PIEZO2: variants seen among roughly 807,000 people sequenced by gnomAD.
PIEZO2 encodes piezo type mechanosensitive ion channel component 2.
Under a neutral mutation model 337.3 loss-of-function variants are expected in PIEZO2, and 172 were observed. The ratio of observed to expected loss-of-function variants is 0.51; its 90% confidence interval spans 0.45 to 0.58. The LOEUF (loss-of-function observed/expected upper bound fraction) is 0.58. Ranked by LOEUF, PIEZO2 falls within the 20% of genes least tolerant of loss-of-function variation. PIEZO2 has a pLI of 0.00. For synonymous variants in PIEZO2, 1,251 were observed against 1,228.5 expected (o/e 1.02, Z -0.38); for missense variants, 3,028 against 3,391.3 (o/e 0.89, Z 2.66).
At chr18:10,805,992 C>G (rs1598507443) in intron 8 of PIEZO2, among the ~76,000 whole-genome samples, 1 of 152,240 alleles carries the variant, frequency 6.6e-6, no homozygotes, top group Admixed American at 6.5e-5. Context: ...GAATGTACAG[C>G]TCTCTAAGTG....
Position 11,125,319 on chromosome 18 carries a change from C to T in PIEZO2, c.64+23206G>A, listed in dbSNP as rs528529145. On this transcript the variant is annotated intron_variant, in intron 1 of 55. Transcript: ENST00000674853. This position sits in a 1 kb window ranked among gnomAD's most constrained non-coding sequence, Gnocchi z 4.4. ...AAACTACGATGTGTCCGACAAAAGA[C>T]AGTGCTGTTAAGTCATCAGCATTGT... Among the ~76,000 whole-genome samples, 1 of 152,342 alleles carries T rather than the reference C, an allele frequency of 6.6e-6. No individual in the cohort carries two copies. The highest frequency in any genetic ancestry group is 6.5e-5 in the Admixed American group (1 of 15,306).
chr18:10,879,238 A>C (rs893104126), intron 4 of PIEZO2, among the ~76,000 whole-genome samples: 1 of 151,994 alleles, frequency 6.6e-6, no homozygotes, highest in Admixed American at 6.6e-5. Flanking sequence ...CATTTTAATA[A>C]ATCAGTGAGA....
chr18:11,038,187 A>G lies in PIEZO2; in HGVS notation c.160+27940T>C, dbSNP rs1032228772. Among the ~76,000 whole-genome samples, 4 of 152,178 alleles carry G rather than the reference A, an allele frequency of 2.6e-5. No homozygotes were observed. The highest frequency in any genetic ancestry group is 9.6e-5 in the African/African-American group (4 of 41,452). On this transcript the variant is annotated intron_variant, in intron 2 of 55. Transcript: ENST00000674853. This position sits in a 1 kb window ranked among gnomAD's most constrained non-coding sequence, Gnocchi z 4.1. ...ACCTTTCTCATTTTCTCTAGGTCCT[A>G]GTCACCAGAACCACTATACAGTAAC... is the stretch of plus-strand genomic sequence containing the variant.
Position 10,724,602 on chromosome 18 carries a change from T to C in PIEZO2, c.5030-6343A>G, listed in dbSNP as rs2036451743. The C allele has an allele frequency of 4.8e-6, 3 of 630,994 alleles. No homozygotes were observed. The highest frequency in any genetic ancestry group is 8.5e-6 in the Non-Finnish European group (3 of 350,980). 39.1% of individuals were successfully genotyped at this position (630,994 alleles called of 1,614,324 possible). On this transcript the variant is annotated intron_variant, in intron 36 of 55. Coordinates refer to ENST00000674853, the MANE Select transcript of PIEZO2 (RefSeq NM_001378183.1). This position sits in a 1 kb window ranked among gnomAD's most constrained non-coding sequence, Gnocchi z 5.8. ...GGAGTTGGAGTGACCCAGCTGGATG[T>C]GACCCCCAAGACAGAATGGTGCTGG...
rs577208713 is a variant in PIEZO2, at chr18:10,967,905, C to A, written c.286+11630G>T. Among the ~76,000 whole-genome samples the A allele has an allele frequency of 1.1e-4, 16 of 151,880 alleles. 1 individual carries two copies. The South Asian group carries it at 3.3e-3, about 31-fold the overall frequency. ...CTCTGTGGGTTGTCTGTTTACTCTG[C>A]TGATTATTATTATTATTATTATTAC... On this transcript the variant is annotated intron_variant, in intron 3 of 55. Coordinates refer to ENST00000674853, the MANE Select transcript of PIEZO2 (RefSeq NM_001378183.1).
intron 2 of PIEZO2, among the ~76,000 whole-genome samples, chr18:10,983,935 A>G (rs1312162456): frequency 6.6e-6 from 1 of 152,140 alleles, no homozygotes; most frequent in Non-Finnish European, 1.5e-5. Flanking sequence ...TTTGTTGGAT[A>G]GAGAGAAGGC....
chr18:10,722,797 G>A (rs968509761), intron 36 of PIEZO2, among the ~76,000 whole-genome samples: 21 of 152,180 alleles, frequency 1.4e-4, no homozygotes, highest in African/African-American at 4.3e-4. Context: ...AACACCTAGC[G>A]GGTGAACATA....
Position 10,731,405 on chromosome 18 carries a change from A to C in PIEZO2, c.5029+2T>G, listed in dbSNP as rs2036780843. 1 of 1,527,464 alleles carries C rather than the reference A, an allele frequency of 6.5e-7. No homozygotes were observed. The highest frequency in any genetic ancestry group is 1.2e-5 in the South Asian group (1 of 83,300). 94.6% of individuals were successfully genotyped at this position (1,527,464 alleles called of 1,614,324 possible). A position where few individuals can be genotyped will look rare whatever the true frequency, so the allele number is the denominator to read the frequency against. On this transcript the variant is annotated splice_donor_variant, in intron 36 of 55. Coordinates refer to ENST00000674853, the MANE Select transcript of PIEZO2 (RefSeq NM_001378183.1). LOFTEE classifies it high-confidence loss of function. Reference sequence around the variant, plus strand: ...ACCACAGCCACCCCACCCACCACTCACCCTCCTTGGATCCTTTCCGCCTTC... The same window carrying C: ...ACCACAGCCACCCCACCCACCACTCCCCCTCCTTGGATCCTTTCCGCCTTC...
intron 18 of PIEZO2, among the ~76,000 whole-genome samples, chr18:10,779,904 G>A (rs2038919624): frequency 6.6e-6 from 1 of 152,160 alleles, no homozygotes; most frequent in Non-Finnish European, 1.5e-5. Flanking sequence ...GTGATGGAGT[G>A]CTACGGAGGT....
chr18:10,751,597 A>AC (rs2037646949), intron 28 of PIEZO2, among the ~76,000 whole-genome samples: 1 of 151,996 alleles, frequency 6.6e-6, no homozygotes, highest in Non-Finnish European at 1.5e-5. Flanking sequence ...AGACACAGTG[A>AC]TACACGTGCC....
intron 35 of PIEZO2, among the ~76,000 whole-genome samples, 200 bp from the exon 36 acceptor site, chr18:10,731,721 A>G (rs1276220976): frequency 1.3e-5 from 2 of 152,048 alleles, no homozygotes; most frequent in African/African-American, 4.8e-5. Flanking sequence ...TTCATCTGGT[A>G]TCACAGATAT....
At position 10,773,721 on chromosome 18, in the gene PIEZO2, A is replaced by T. The variant is rs2038686405; in HGVS notation, c.2568-92T>A. 1.6e-6 allele frequency: 2 copies of T among 1,213,456 alleles called. No homozygotes were observed. The highest frequency in any genetic ancestry group is 5.1e-5 in the East Asian group (2 of 39,362). 75.2% of individuals were successfully genotyped at this position (1,213,456 alleles called of 1,614,324 possible). A position where few individuals can be genotyped will look rare whatever the true frequency, so the allele number is the denominator to read the frequency against. On this transcript the variant is annotated intron_variant, in intron 19 of 55. Transcript: ENST00000674853. The surrounding 1 kb of genome is among the most constrained non-coding windows in gnomAD (Gnocchi z 5.3). ...GTAAAAGGAGGATAAACACAAATGA[A>T]ATCAGTGCATGTACAAAGACCTCAC...
chr18:10,797,124 C>A (rs1007749306), intron 12 of PIEZO2, among the ~76,000 whole-genome samples: 1 of 151,672 alleles, frequency 6.6e-6, no homozygotes, highest in African/African-American at 2.4e-5. Context: ...ATTATACATA[C>A]CATCATAGCA....
chr18:11,038,492 A>G lies in PIEZO2; in HGVS notation c.160+27635T>C, dbSNP rs1198292026. Among the ~76,000 whole-genome samples the G allele has an allele frequency of 6.6e-6, 1 of 152,086 alleles. No individual in the cohort carries two copies. On this transcript the variant is annotated intron_variant, in intron 2 of 55. Coordinates refer to ENST00000674853, the MANE Select transcript of PIEZO2 (RefSeq NM_001378183.1). This position sits in a 1 kb window ranked among gnomAD's most constrained non-coding sequence, Gnocchi z 4.1. ...AGGTACAATGCAGTTTCTTGTGCTC[A>G]TTCATCATTTTCCAACACCCATTGA...
At chr18:10,799,989 AAT>A (rs2039751576) in intron 11 of PIEZO2, among the ~76,000 whole-genome samples, 1 of 133,352 alleles carries the variant, frequency 7.5e-6, no homozygotes, top group African/African-American at 2.7e-5. Flanking sequence ...AAAAAAAAAA[AAT>A]TCATATATTA....
chr18:10,968,542 C>T (rs1468138140), intron 3 of PIEZO2, among the ~76,000 whole-genome samples: 1 of 152,072 alleles, frequency 6.6e-6, no homozygotes, highest in East Asian at 1.9e-4. Context: ...TCTTACTCTC[C>T]AGTGTTACTT....
intron 2 of PIEZO2, among the ~76,000 whole-genome samples, chr18:11,011,958 G>A (rs1207721464): frequency 1.3e-5 from 2 of 152,112 alleles, no homozygotes; most frequent in Non-Finnish European, 2.9e-5. Context: ...TTCTGCCTCG[G>A]CAAGAGAGCA....
At chr18:11,100,681 C>T (rs887961757) in intron 1 of PIEZO2, among the ~76,000 whole-genome samples, 17 of 152,256 alleles carry the variant, frequency 1.1e-4, no homozygotes, top group Admixed American at 6.5e-4. Context: ...CTGCAACCTC[C>T]GCCTCCCGGG....
Position 11,125,351 on chromosome 18 carries a change from AC to A in PIEZO2, c.64+23173del, listed in dbSNP as rs2040154363. On this transcript the variant is annotated intron_variant, in intron 1 of 55. Coordinates refer to ENST00000674853, the MANE Select transcript of PIEZO2 (RefSeq NM_001378183.1). This position sits in a 1 kb window ranked among gnomAD's most constrained non-coding sequence, Gnocchi z 4.4. ...GTTAAGTCATCAGCATTGTTACAAC[AC>A]TTACAATGTTGAATGTGGCATTTCA... Among the ~76,000 whole-genome samples the A allele has an allele frequency of 6.6e-6, 1 of 152,222 alleles. No homozygotes were observed. Among genetic ancestry groups the A allele is most frequent in the South Asian group, 2.1e-4 (1 of 4,836 alleles).
Sources: gnomAD v4.1 joint callset for allele counts (sites outside exome capture counted in the v4.1 genomes callset) on GRCh38, gnomAD v4.1.1 for gene constraint, Gnocchi (gnomAD v3.1) non-coding constraint, MANE v1.5 for transcripts, NCBI Gene and HGNC (gene_info 2026-07-23, HGNC 2026-07-21) for gene names.